The following ZNF717 variants were observed in gnomAD, a reference collection of about 807,000 sequenced individuals.
ZNF717 encodes the protein krueppel-like factor X17.
Under a neutral mutation model 13.8 loss-of-function variants are expected in ZNF717, and 9 were observed. That is an observed-to-expected ratio of 0.65 (90% CI 0.39 to 1.14). The LOEUF (loss-of-function observed/expected upper bound fraction) is 1.14. Ranked by LOEUF, ZNF717 falls within the 50% of genes most tolerant of loss-of-function variation. ZNF717 has a pLI of 0.01. For synonymous variants in ZNF717, 327 were observed against 364.1 expected (o/e 0.90, Z 1.16); for missense variants, 1,040 against 1,080.7 (o/e 0.96, Z 0.53).
chr3:75,763,870 T>TAAA (rs1458799695), intron 2 of ZNF717, among the ~76,000 whole-genome samples: 4 of 152,258 alleles, frequency 2.6e-5, no homozygotes, highest in Non-Finnish European at 4.4e-5. Context: ...AGAGGATTTA[T>TAAA]TGATTACTGA....
chr3:75,768,474 T>C (rs1421530222), intron 2 of ZNF717, among the ~76,000 whole-genome samples: 10 of 104,850 alleles, frequency 9.5e-5, no homozygotes, highest in South Asian at 3.6e-4. Context: ...CTCACTGTGG[T>C]TGAGTGTGTG....
chr3:75,768,545 G>A (rs1943668742), intron 2 of ZNF717, among the ~76,000 whole-genome samples: 1 of 151,126 alleles, frequency 6.6e-6, no homozygotes, highest in African/African-American at 2.4e-5. Flanking sequence ...GAGTGTGTGG[G>A]GGGGTAGATG....
At chr3:75,741,834 T>G (rs1940505485) in intron 2 of ZNF717, 98 bp from the exon 3 acceptor site, 1 of 1,485,042 alleles carries the variant, frequency 6.7e-7, no homozygotes, top group Non-Finnish European at 9.0e-7. Flanking sequence ...CCAGGTGAAG[T>G]GCACAGCCAC....
At chr3:75,763,024 C>A (rs1352461328) in intron 2 of ZNF717, among the ~76,000 whole-genome samples, 31 of 152,200 alleles carry the variant, frequency 2.0e-4, no homozygotes, top group Non-Finnish European at 1.5e-5. Flanking sequence ...TTACCTTACA[C>A]CACGTTAAAA....
At chr3:75,725,425 CAT>C (rs1938259889), downstream of ZNF717, among the ~76,000 whole-genome samples, 1 of 152,248 alleles carries the variant, frequency 6.6e-6, no homozygotes, top group African/African-American at 2.4e-5. Flanking sequence ...AAGTTCCACT[CAT>C]ATACAAAATC....
At chr3:75,712,921 A>T (rs1430545167) in intron 5 of ZNF717, among the ~76,000 whole-genome samples, 1 of 150,516 alleles carries the variant, frequency 6.6e-6, no homozygotes, top group Non-Finnish European at 1.5e-5. Flanking sequence ...AATTCATCCT[A>T]CTTTTTAAGG....
At chr3:75,732,203 A>G (rs1305080001), downstream of ZNF717, 2 of 697,924 alleles carry the variant, frequency 2.9e-6, no homozygotes, top group East Asian at 5.4e-5. Flanking sequence ...AGGAGAAATT[A>G]CTGAACCTCA....
intron 2 of ZNF717, among the ~76,000 whole-genome samples, chr3:75,751,393 T>C (rs1490884904): frequency 2.0e-5 from 3 of 151,490 alleles, no homozygotes; most frequent in Non-Finnish European, 2.9e-5. Context: ...AGAACTCTCC[T>C]GCTGTGGTCT....
At chr3:75,715,096 T>C (rs77489624) in intron 5 of ZNF717, among the ~76,000 whole-genome samples, 1 of 148,060 alleles carries the variant, frequency 6.8e-6, no homozygotes, top group Non-Finnish European at 1.5e-5. Context: ...TTTGCCACGA[T>C]AGGTAATCTA....
chr3:75,699,819 A>T (rs141920982), intron 6 of ZNF717, among the ~76,000 whole-genome samples: 7,615 of 111,752 alleles, frequency 0.068, no homozygotes, highest in Middle Eastern at 0.16. Context: ...CAAAATCAAC[A>T]TATACAAATC....
At position 75,746,590 on chromosome 3, in the gene ZNF717, G is replaced by A. The variant is rs1559620303; in HGVS notation, c.58-4854C>T. Reference sequence around the variant, plus strand: ...ATCGCCATTCTAACTAGTGTGAGATGATATCTCATTGTGATTTTGATTTGC... The same window carrying A: ...ATCGCCATTCTAACTAGTGTGAGATAATATCTCATTGTGATTTTGATTTGC... On this transcript the variant is annotated intron_variant, in intron 2 of 4. Transcript: ENST00000652011. 2.0e-5 allele frequency among the ~76,000 whole-genome samples: 3 copies of A among 152,142 alleles called. No homozygotes were observed. In the South Asian group the frequency reaches 6.2e-4, roughly 31 times the overall value.
intron 2 of ZNF717, among the ~76,000 whole-genome samples, chr3:75,755,561 C>A (rs1318956080): frequency 5.5e-5 from 8 of 145,920 alleles, no homozygotes; most frequent in African/African-American, 1.0e-4. Flanking sequence ...AATAATAATA[C>A]AAGGAATGGA....
intron 6 of ZNF717, among the ~76,000 whole-genome samples, chr3:75,699,321 G>T: frequency 6.6e-6 from 1 of 152,428 alleles, no homozygotes; most frequent in East Asian, 1.9e-4. Context: ...AATATGAGAA[G>T]GATATGAGAT....
chr3:75,769,495 A>T (rs189607735), intron 2 of ZNF717, among the ~76,000 whole-genome samples: 1 of 152,280 alleles, frequency 6.6e-6, no homozygotes, highest in East Asian at 1.9e-4. Flanking sequence ...AAAAGGATAA[A>T]TTCCTGGTTT....
chr3:75,724,471 G>C (rs1938236236), intron 4 of ZNF717, among the ~76,000 whole-genome samples: 6 of 150,996 alleles, frequency 4.0e-5, no homozygotes, highest in Admixed American at 3.9e-4. Context: ...GCAAACTCTT[G>C]AGCTCCAAAA....
chr3:75,715,372 A>C (rs3009061), intron 5 of ZNF717, among the ~76,000 whole-genome samples: 1 of 150,466 alleles, frequency 6.6e-6, no homozygotes, highest in Non-Finnish European at 1.5e-5. Context: ...TAAATTATTT[A>C]TAATTTTTAT....
At chr3:75,766,807 A>G (rs1222377785) in intron 2 of ZNF717, among the ~76,000 whole-genome samples, 1 of 152,266 alleles carries the variant, frequency 6.6e-6, no homozygotes, top group Admixed American at 6.5e-5. Context: ...CTTGAAATTA[A>G]ATTAGAAACC....
chr3:75,749,665 A>T (rs1412244486), intron 2 of ZNF717, among the ~76,000 whole-genome samples: 9 of 151,900 alleles, frequency 5.9e-5, no homozygotes, highest in African/African-American at 2.2e-4. Flanking sequence ...ATTCCAAAAC[A>T]CTGCTGCTGG....
intron 2 of ZNF717, among the ~76,000 whole-genome samples, chr3:75,744,234 A>G (rs1940857225): frequency 6.6e-6 from 1 of 152,272 alleles, no homozygotes; most frequent in Non-Finnish European, 1.5e-5. Flanking sequence ...TTAACTGTGC[A>G]TATAGGCATT....
Sources: allele counts gnomAD v4.1 joint callset (sites outside exome capture counted in the v4.1 genomes callset), GRCh38; gene constraint gnomAD v4.1.1; transcripts MANE v1.5; gene names NCBI Gene and HGNC (gene_info 2026-07-23, HGNC 2026-07-21).